Variants in ZCCHC14 observed in about 807,000 individuals in gnomAD.
ZCCHC14 encodes zinc finger CCHC domain-containing protein 14.
In ZCCHC14, 16 loss-of-function variants were observed where a neutral mutation model predicts 85.0. The ratio of observed to expected loss-of-function variants is 0.19; its 90% CI spans 0.13 to 0.29. ZCCHC14 has a LOEUF of 0.29. ZCCHC14 is among the 10% of genes least tolerant of loss of function. The pLI, the probability that ZCCHC14 is intolerant of heterozygous loss-of-function variation, is 1.00. For missense variants in ZCCHC14, 1,303 were observed against 1,443.5 expected (o/e 0.90, Z 1.58); for synonymous variants, 775 against 630.7 (o/e 1.23, Z -3.43).
At position 87,406,961 on chromosome 16, in the gene ZCCHC14, C is replaced by T. The variant is rs1187831295; in HGVS notation, c.*3319G>A. On this transcript the variant is annotated 3_prime_UTR_variant, in exon 13 of 13. Coordinates refer to ENST00000671377, the MANE Select transcript of ZCCHC14 (RefSeq NM_015144.3). ...GCAGGGAGACGGCTTTCCTCACAACCTTGAAGACCATCAGTCATCATGATG... is the reference window on the plus strand; with the variant it reads ...GCAGGGAGACGGCTTTCCTCACAACTTTGAAGACCATCAGTCATCATGATG... The T allele has an allele frequency of 1.3e-5, 2 of 152,172 alleles. No homozygotes were observed. Among genetic ancestry groups the T allele is most frequent in the Admixed American group, 6.5e-5 (1 of 15,280 alleles). 9.4% of individuals were successfully genotyped at this position (152,172 alleles called of 1,614,324 possible). A position where few individuals can be genotyped will look rare whatever the true frequency, so the allele number is the denominator to read the frequency against.
At chr16:87,428,408 C>T (rs985409000) in intron 3 of ZCCHC14, among the ~76,000 whole-genome samples, 7 of 152,216 alleles carry the variant, frequency 4.6e-5, no homozygotes, top group African/African-American at 1.7e-4. Context: ...GGCATTCCTA[C>T]GAATGCTGGC....
intron 1 of ZCCHC14, chr16:87,467,478 G>A (rs1370785060): frequency 5.6e-6 from 9 of 1,606,330 alleles, no homozygotes. Context: ...TACCTCTGGA[G>A]GACAGATGTA....
intron 1 of ZCCHC14, among the ~76,000 whole-genome samples, chr16:87,466,494 C>T (rs1176092529): frequency 6.6e-6 from 1 of 152,160 alleles, no homozygotes; most frequent in Non-Finnish European, 1.5e-5. Context: ...TCTGGCAGTT[C>T]GATGACACCT....
At chr16:87,419,578 G>A (rs1302818980) in intron 6 of ZCCHC14, among the ~76,000 whole-genome samples, 2 of 151,950 alleles carry the variant, frequency 1.3e-5, no homozygotes, top group Admixed American at 6.5e-5. Flanking sequence ...TGGGATTATA[G>A]GCGTGAGCCA....
At chr16:87,476,177 AG>A (rs1360511377) in intron 1 of ZCCHC14, among the ~76,000 whole-genome samples, 10 of 152,302 alleles carry the variant, frequency 6.6e-5, no homozygotes, top group African/African-American at 2.2e-4. Flanking sequence ...AAGAAAACTA[AG>A]AGCCTTTCTT....
intron 10 of ZCCHC14, among the ~76,000 whole-genome samples, 170 bp downstream of exon 10, chr16:87,414,244 C>A (rs1242153187): frequency 6.6e-6 from 1 of 151,862 alleles, no homozygotes. Flanking sequence ...GCACACCGGC[C>A]CTCTCTGTGT....
intron 2 of ZCCHC14, among the ~76,000 whole-genome samples, chr16:87,444,038 GAAAAA>G (rs56352252): frequency 5.2e-5 from 4 of 77,112 alleles, no homozygotes; most frequent in East Asian, 1.0e-3. Flanking sequence ...CTCTATCACA[GAAAAA>G]AAAAAAAAAA....
rs145995606 is a variant in ZCCHC14, at chr16:87,412,450, C to T, written c.2271G>A (p.Thr757=). 53 of 1,613,902 alleles carry T rather than the reference C, an allele frequency of 3.3e-5. 1 individual carries two copies. The highest frequency in any genetic ancestry group is 1.5e-4 in the South Asian group (14 of 91,072). ...QQPALVVETS[T]AATGTPSTVL... is the part of the protein sequence containing the mutation. ...CTGTGCTGGGCGTCCCCGTGGCGGC[C>T]GTGCTGGTCTCCACGACCAGGGCCG... Residue 757 remains threonine, a synonymous_variant, in exon 12 of 13, where the codon ACG becomes ACA. Transcript: ENST00000671377.
chr16:87,482,900 C>T (rs1912350120), intron 1 of ZCCHC14, among the ~76,000 whole-genome samples: 1 of 152,052 alleles, frequency 6.6e-6, no homozygotes, highest in Admixed American at 6.6e-5. Flanking sequence ...GGACTGTCTT[C>T]AGAATGTACG....
intron 2 of ZCCHC14, among the ~76,000 whole-genome samples, chr16:87,459,413 C>T (rs1176390307): frequency 6.6e-6 from 1 of 151,572 alleles, no homozygotes; most frequent in Non-Finnish European, 1.5e-5. Context: ...GGCACGATCT[C>T]GGCTCACTGC....
chr16:87,480,637 CT>C (rs1307749011), intron 1 of ZCCHC14, among the ~76,000 whole-genome samples: 1 of 152,202 alleles, frequency 6.6e-6, no homozygotes, highest in Non-Finnish European at 1.5e-5. Context: ...CACCCAACAC[CT>C]CCTGCCCCTG....
At position 87,420,507 on chromosome 16, in the gene ZCCHC14, C is replaced by T. The variant is rs1210916638; in HGVS notation, c.950+100G>A. 5.5e-6 allele frequency: 5 copies of T among 914,716 alleles called. No homozygotes were observed. Among genetic ancestry groups the T allele is most frequent in the East Asian group, 2.8e-5 (1 of 36,324 alleles). The allele number at this position is 914,716 out of a possible 1,614,324, so 56.7% of individuals were successfully genotyped here. Reference sequence around the variant, plus strand: ...GTAGAGACCCAGGTCCAGGTGACCGCGCATCCTCCCAGAGCTCCTTGGAGG... The same window carrying T: ...GTAGAGACCCAGGTCCAGGTGACCGTGCATCCTCCCAGAGCTCCTTGGAGG... On this transcript the variant is annotated intron_variant, in intron 5 of 12. Coordinates refer to ENST00000671377, the MANE Select transcript of ZCCHC14 (RefSeq NM_015144.3). The surrounding 1 kb of genome is among the most constrained non-coding windows in gnomAD (Gnocchi z 5.0).
intron 2 of ZCCHC14, among the ~76,000 whole-genome samples, chr16:87,455,909 C>G (rs1358617431): frequency 1.3e-5 from 2 of 152,198 alleles, no homozygotes; most frequent in African/African-American, 4.8e-5. Context: ...TGCAAGCGTT[C>G]TGAGCACATT....
At chr16:87,423,968 G>C (rs542725192) in intron 3 of ZCCHC14, 87 bp from the exon 4 acceptor site, 1 of 1,431,172 alleles carries the variant, frequency 7.0e-7, no homozygotes, top group African/African-American at 1.4e-5. Context: ...TGGGGCACAC[G>C]TTCAGTCGGC....
At chr16:87,427,718 G>A (rs1197368334) in intron 3 of ZCCHC14, among the ~76,000 whole-genome samples, 1 of 152,034 alleles carries the variant, frequency 6.6e-6, no homozygotes, top group African/African-American at 2.4e-5. Flanking sequence ...GCTCACTGCA[G>A]CCTTGACCTC....
intron 3 of ZCCHC14, 105 bp from the exon 4 acceptor site, chr16:87,423,986 C>G: frequency 8.2e-7 from 1 of 1,220,922 alleles, no homozygotes; most frequent in Middle Eastern, 1.9e-4. Flanking sequence ...GGCAGCTGAG[C>G]CCAGTGGGCC....
At chr16:87,427,939 ATTTTT>A (rs34933427) in intron 3 of ZCCHC14, among the ~76,000 whole-genome samples, 1 of 137,134 alleles carries the variant, frequency 7.3e-6, no homozygotes, top group East Asian at 2.2e-4. Flanking sequence ...GGCCTCTATG[ATTTTT>A]TTTTTTTTTT....
rs138146187 is a variant in ZCCHC14 at position 87,491,822 on chromosome 16, G to A, written c.417C>T (p.Ala139=). Residue 139 remains alanine, a synonymous_variant, in exon 1 of 13, where the codon GCC becomes GCT. Transcript: ENST00000671377. The surrounding 1 kb of genome is among the most constrained non-coding windows in gnomAD (Gnocchi z 5.9). ...GDEFLLLFTM[A]SNHPAFSFHQ... The stretch of plus-strand genomic sequence containing the variant: ...GGAAGCTGAAGGCCGGGTGGTTGGA[G>A]GCCATGGTGAACAGCAGCAGGAACT... The A allele has an allele frequency of 2.0e-5, 32 of 1,584,684 alleles. No homozygotes were observed. In the Admixed American group the frequency reaches 3.4e-4, roughly 17 times the overall value.
chr16:87,446,483 CAA>C (rs11364740), intron 2 of ZCCHC14, among the ~76,000 whole-genome samples: 109 of 144,330 alleles, frequency 7.6e-4, no homozygotes, highest in South Asian at 8.7e-4. Context: ...GACTCCATCT[CAA>C]AAAAAAAAAA....
Sources: gnomAD v4.1 joint callset for allele counts (sites outside exome capture counted in the v4.1 genomes callset) on GRCh38, gnomAD v4.1.1 for gene constraint, Gnocchi (gnomAD v3.1) non-coding constraint, MANE v1.5 for transcripts, NCBI Gene and HGNC (gene_info 2026-07-23, HGNC 2026-07-21) for gene names.